Variants in PTK7 observed in about 807,000 individuals in gnomAD.
PTK7 encodes the protein protein tyrosine kinase 7 (inactive), also known as inactive tyrosine-protein kinase 7.
Under a neutral mutation model 116.6 loss-of-function variants are expected in PTK7, and 39 were observed. The ratio of observed to expected loss-of-function variants is 0.33; its 90% CI spans 0.26 to 0.44. The LOEUF is 0.44. Ranked by LOEUF, PTK7 falls within the 20% of genes least tolerant of loss-of-function variation. The pLI is 1.00. For missense variants in PTK7, 1,169 were observed against 1,425.6 expected, an observed-to-expected ratio of 0.82 and a Z score of 2.90; for synonymous variants, 546 against 563.6, an observed-to-expected ratio of 0.97 and a Z score of 0.44.
In PTK7 at chr6:43,109,830, C is replaced by A. The variant is rs183674248; in HGVS notation, c.80-19147C>A. Among the ~76,000 whole-genome samples, 432 of 151,708 alleles carry A rather than the reference C, an allele frequency of 2.8e-3. 1 individual carries two copies. Among genetic ancestry groups the A allele is most frequent in the Non-Finnish European group, 4.0e-3 (271 of 67,950 alleles). ...TCTCCTGGCTTAGCCTCCCGAGTAGCTGGGACTACAGGTGCCCACGACCAC... is the reference window on the plus strand; with the variant it reads ...TCTCCTGGCTTAGCCTCCCGAGTAGATGGGACTACAGGTGCCCACGACCAC... On this transcript the variant is annotated intron_variant, in intron 1 of 19. Coordinates refer to ENST00000230419, the MANE Select transcript of PTK7 (RefSeq NM_002821.5).
At chr6:43,151,322 C>G (rs756197774) in intron 17 of PTK7, among the ~76,000 whole-genome samples, 1 of 151,444 alleles carries the variant, frequency 6.6e-6, no homozygotes, top group African/African-American at 2.4e-5. Context: ...CGCCATTCTC[C>G]TGCCTCAGCC....
chr6:43,101,806 C>G (rs1767598034), intron 1 of PTK7, among the ~76,000 whole-genome samples: 1 of 152,148 alleles, frequency 6.6e-6, no homozygotes, highest in Non-Finnish European at 1.5e-5. Context: ...AAAATTAAAT[C>G]TAACACTATG....
At chr6:43,104,039 T>A (rs1053616746) in intron 1 of PTK7, among the ~76,000 whole-genome samples, 4 of 152,250 alleles carry the variant, frequency 2.6e-5, no homozygotes, top group African/African-American at 9.6e-5. Flanking sequence ...TCTTGTTCAC[T>A]GCTGTATTCT....
chr6:43,158,519 A>T (rs1010083796), intron 17 of PTK7, among the ~76,000 whole-genome samples: 1 of 152,162 alleles, frequency 6.6e-6, no homozygotes, highest in Non-Finnish European at 1.5e-5. Flanking sequence ...TTTTCACTGG[A>T]CAAGTGGTTA....
chr6:43,149,242 C>T (rs1031930856), intron 17 of PTK7, among the ~76,000 whole-genome samples: 1 of 146,268 alleles, frequency 6.8e-6, no homozygotes, highest in Non-Finnish European at 1.5e-5. Context: ...CATGGTGTCA[C>T]GTGCATATAA....
intron 17 of PTK7, among the ~76,000 whole-genome samples, chr6:43,149,103 G>A (rs997305067): frequency 2.7e-5 from 4 of 150,484 alleles, no homozygotes; most frequent in Non-Finnish European, 5.9e-5. Context: ...CAGGCACAGT[G>A]GCTCATACCT....
intron 1 of PTK7, among the ~76,000 whole-genome samples, chr6:43,122,606 CT>C (rs750933412): frequency 0.32 from 38,967 of 123,616 alleles, 5,222 homozygotes; most frequent in Middle Eastern, 0.39. Flanking sequence ...GGGACTGAAT[CT>C]TTTTTTTTTT....
At chr6:43,121,504 G>A (rs1768959824) in intron 1 of PTK7, among the ~76,000 whole-genome samples, 1 of 152,178 alleles carries the variant, frequency 6.6e-6, no homozygotes, top group Non-Finnish European at 1.5e-5. Context: ...ATTTTGGAGG[G>A]CTCCTGTTGG....
Position 43,143,684 on chromosome 6 carries a change from C to T in PTK7, c.2251+64C>T, listed in dbSNP as rs539920634. 273 of 1,531,710 alleles carry T rather than the reference C, an allele frequency of 1.8e-4. 1 individual carries two copies. The African/African-American group carries it at 2.0e-3, about 11-fold the overall frequency. 94.9% of individuals were successfully genotyped at this position (1,531,710 alleles called of 1,614,324 possible). ...GGAGCTGAGCGCCCTCCCGCGGCCACGGAGGGGAGAGCGCCAGCACTCTGG... is the reference window on the plus strand; with the variant it reads ...GGAGCTGAGCGCCCTCCCGCGGCCATGGAGGGGAGAGCGCCAGCACTCTGG... On this transcript the variant is annotated intron_variant, in intron 14 of 19. Coordinates refer to ENST00000230419, the MANE Select transcript of PTK7 (RefSeq NM_002821.5). The surrounding 1 kb of genome is among the most constrained non-coding windows in gnomAD (Gnocchi z 4.2).
chr6:43,152,396 GGC>G (rs1455050365), intron 17 of PTK7, among the ~76,000 whole-genome samples: 1 of 152,224 alleles, frequency 6.6e-6, no homozygotes, highest in Non-Finnish European at 1.5e-5. Context: ...CGGGCGTGGT[GGC>G]GCATGCCTGT....
chr6:43,100,056 A>C (rs1221675621), intron 1 of PTK7, among the ~76,000 whole-genome samples: 1 of 152,062 alleles, frequency 6.6e-6, no homozygotes, highest in Non-Finnish European at 1.5e-5. Flanking sequence ...TACAGCTGTG[A>C]ACCACTGCAC....
chr6:43,118,688 T>TAC (rs1768751408), intron 1 of PTK7, among the ~76,000 whole-genome samples: 22 of 109,626 alleles, frequency 2.0e-4, no homozygotes, highest in African/African-American at 7.6e-4. Flanking sequence ...TATATATATA[T>TAC]GTATATATGT....
chr6:43,148,628 T>C (rs1426004334), intron 17 of PTK7, among the ~76,000 whole-genome samples: 1 of 152,182 alleles, frequency 6.6e-6, no homozygotes, highest in Non-Finnish European at 1.5e-5. Flanking sequence ...TCTATTTGAC[T>C]GCAAGTCATC....
chr6:43,151,654 C>A (rs1771099632), intron 17 of PTK7, among the ~76,000 whole-genome samples: 1 of 150,040 alleles, frequency 6.7e-6, no homozygotes, highest in South Asian at 2.1e-4. Context: ...GCCTCAGCCT[C>A]CCGAGTAGAG....
chr6:43,095,289 T>C (rs1288915988), intron 1 of PTK7, among the ~76,000 whole-genome samples: 1 of 150,780 alleles, frequency 6.6e-6, no homozygotes, highest in African/African-American at 2.4e-5. Context: ...GGAGAATCGC[T>C]TGAACCTGGG....
At chr6:43,121,002 G>A (rs1183562394) in intron 1 of PTK7, among the ~76,000 whole-genome samples, 1 of 151,588 alleles carries the variant, frequency 6.6e-6, no homozygotes, top group Non-Finnish European at 1.5e-5. Flanking sequence ...CGGGGTCCAG[G>A]TTCTGATGGT....
At chr6:43,155,033 G>A (rs3805929) in intron 17 of PTK7, among the ~76,000 whole-genome samples, 13,763 of 152,254 alleles carry the variant, frequency 0.09, 975 homozygotes, top group East Asian at 0.37. Flanking sequence ...GCACACAGCA[G>A]GTGCTCACCA....
At chr6:43,091,433 T>G (rs1766950842) in intron 1 of PTK7, among the ~76,000 whole-genome samples, 1 of 152,124 alleles carries the variant, frequency 6.6e-6, no homozygotes. Context: ...TCTCGAAGTG[T>G]TGGGATTACA....
chr6:43,109,282 C>T (rs148883956), intron 1 of PTK7, among the ~76,000 whole-genome samples: 179 of 152,184 alleles, frequency 1.2e-3, no homozygotes, highest in African/African-American at 4.0e-3. Context: ...CTCAAGCAAT[C>T]CTCCCACCTG....
Sources: allele counts gnomAD v4.1 joint callset (sites outside exome capture counted in the v4.1 genomes callset), GRCh38; gene constraint gnomAD v4.1.1; non-coding constraint Gnocchi (gnomAD v3.1); transcripts MANE v1.5; gene names NCBI Gene and HGNC (gene_info 2026-07-23, HGNC 2026-07-21).